The following LMF2 variants were observed in gnomAD, a reference collection of about 807,000 sequenced individuals.
The protein encoded by LMF2 is lipase maturation factor 2.
Under a neutral mutation model 81.5 loss-of-function variants are expected in LMF2, and 113 were observed. The ratio of observed to expected loss-of-function variants is 1.39; its 90% CI spans 1.19 to 1.62. LMF2 has a LOEUF of 1.62. Among genes scored for constraint, LMF2 ranks in the 40% most tolerant of loss-of-function variants. The pLI, the probability that LMF2 is intolerant of heterozygous loss-of-function variation, is 0.00. For synonymous variants in LMF2, 645 were observed against 424.5 expected, an observed-to-expected ratio of 1.52 and a Z score of -6.39; for missense variants, 1,235 against 929.1, an observed-to-expected ratio of 1.33 and a Z score of -4.28.
rs190529029 is a variant in LMF2 at position 50,503,332 on chromosome 22, G to A, written c.*59C>T. The stretch of plus-strand genomic sequence containing the variant: ...ACAGTGGCTGGGTCCTGTCCTGCCG[G>A]AGGCCAGAGCACTCCCGGCGACCTG... On this transcript the variant is annotated 3_prime_UTR_variant, in exon 14 of 14. Transcript: ENST00000474879. 1.3e-3 allele frequency: 2,119 copies of A among 1,571,712 alleles called. 30 individuals carry two copies. The African/African-American group carries it at 0.026, about 19-fold the overall frequency.
In LMF2 at chr22:50,503,468, C is replaced by A. The variant is rs772640647; in HGVS notation, c.2047G>T (p.Gly683Ter). ...GCGGTGGCCTGTTCGGAGGCAGCTC[C>A]GGAGTCTTTCTGGGAGGCTGGCCTG... ...KRRPASQKDSGAASEQATAAP... is the reference protein window; with the variant it reads ...KRRPASQKDS Residue 683 changes from glycine to a stop codon, truncating the protein, a stop_gained, in exon 14 of 14, where the codon GGA becomes TGA. Coordinates refer to ENST00000474879, the MANE Select transcript of LMF2 (RefSeq NM_033200.3). LOFTEE classifies it low-confidence loss of function (END_TRUNC). 1 of 1,596,644 alleles carries A rather than the reference C, an allele frequency of 6.3e-7. No individual in the cohort carries two copies. Among genetic ancestry groups the A allele is most frequent in the Non-Finnish European group, 8.5e-7 (1 of 1,174,700 alleles).
In LMF2 at chr22:50,505,424, G is replaced by A. The variant is rs138639555; in HGVS notation, c.1030C>T (p.Arg344Cys). ...TCACTGGTTCTGGAGTGGATGGTGC[G>A]CTGCTGCCAGTCAACCTCCAGGCCA... is the stretch of plus-strand genomic sequence containing the variant. ...YFGLEVDWQQ[R>C]TIHSRTTFTF... Residue 344 changes from arginine to cysteine, a missense_variant, in exon 7 of 14, where the codon CGC becomes TGC. Arg to Cys is a radical substitution (Grantham distance 180). Coordinates refer to ENST00000474879, the MANE Select transcript of LMF2 (RefSeq NM_033200.3). 1.8e-5 allele frequency: 29 copies of A among 1,612,938 alleles called. No homozygotes were observed. The highest frequency in any genetic ancestry group is 2.3e-5 in the Non-Finnish European group (27 of 1,180,024).
rs563323233 is a variant in LMF2 at position 50,504,555 on chromosome 22, G to A, written c.1606+4C>T. On this transcript the variant is annotated splice_donor_region_variant and intron_variant, in intron 11 of 13. Transcript: ENST00000474879. Reference sequence around the variant, plus strand: ...ACTCCACACCCCCCAAGCCCGCTCCGCACCTGGCTCCTTGCCCTGCAGCAG... The same window carrying A: ...ACTCCACACCCCCCAAGCCCGCTCCACACCTGGCTCCTTGCCCTGCAGCAG... 1.7e-5 allele frequency: 23 copies of A among 1,327,672 alleles called. No individual in the cohort carries two copies. The highest frequency in any genetic ancestry group is 8.8e-5 in the African/African-American group (5 of 56,956). The allele number at this position is 1,327,672 out of a possible 1,614,324, so 82.2% of individuals were successfully genotyped here.
rs1246579606 is a variant in LMF2, at chr22:50,503,575, C to T, written c.1940G>A (p.Gly647Glu). Residue 647 changes from glycine (G) to glutamate (E), a missense_variant, in exon 14 of 14, where the codon GGG (glycine) becomes GAG (glutamate). Transcript: ENST00000474879. ...ALLWGLLMAV[G>E]AVRFVQALLA... ...CAGGGCTTGCACAAATCTGACAGCC[C>T]CCACGGCCATGAGGAGCCCCCAGAG... is the stretch of plus-strand genomic sequence containing the variant. 1.3e-6 allele frequency: 2 copies of T among 1,541,628 alleles called. No individual in the cohort carries two copies. The highest frequency in any genetic ancestry group is 2.3e-5 in the East Asian group (1 of 43,602).
Position 50,503,483 on chromosome 22 carries a change from A to G in LMF2, c.2032T>C (p.Ser678Pro), listed in dbSNP as rs1410186203. ...PVSGEKRRPA[S>P]QKDSGAASEQ... is the part of the protein sequence containing the mutation. ...GAGGCAGCTCCGGAGTCTTTCTGGGAGGCTGGCCTGCGCTTCTCCCCGCTG... is the reference window on the plus strand; with the variant it reads ...GAGGCAGCTCCGGAGTCTTTCTGGGGGGCTGGCCTGCGCTTCTCCCCGCTG... The change falls in exon 14 of 14, where the codon TCC (serine) becomes CCC (proline). Residue 678 changes from serine (S) to proline (P), a missense_variant. Physicochemically the swap from Ser to Pro is moderately conservative, Grantham distance 74. Transcript: ENST00000474879. The G allele has an allele frequency of 2.5e-6, 4 of 1,592,620 alleles. No individual in the cohort carries two copies. The African/African-American group carries it at 5.4e-5, about 22-fold the overall frequency.
At position 50,503,690 on chromosome 22, in the gene LMF2, G is replaced by A; in HGVS notation, c.1825C>T (p.Pro609Ser). The A allele has an allele frequency of 2.6e-6, 4 of 1,537,828 alleles. No homozygotes were observed. Among genetic ancestry groups the A allele is most frequent in the Non-Finnish European group, 2.7e-6 (3 of 1,130,536 alleles). The change falls in exon 14 of 14, where the codon CCA (proline) becomes TCA (serine). Residue 609 changes from proline (P) to serine (S), a missense_variant. Coordinates refer to ENST00000474879, the MANE Select transcript of LMF2 (RefSeq NM_033200.3). ...CTGTTGGCGCTGCGGGTGCGAGGTG[G>A]GCTTTTCTCCTGTGGGAGGGAGGGA... is the stretch of plus-strand genomic sequence containing the variant. The part of the protein sequence containing the change: ...LRQFGLQEKS[P>S]PRTRSANSTL...
chr22:50,505,137 C>A lies in LMF2; in HGVS notation c.1174G>T (p.Gly392Cys), dbSNP rs754415890. 1.2e-6 allele frequency: 2 copies of A among 1,612,938 alleles called. No individual in the cohort carries two copies. Among genetic ancestry groups the A allele is most frequent in the Non-Finnish European group, 1.7e-6 (2 of 1,179,982 alleles). Residue 392 changes from glycine to cysteine, a missense_variant, in exon 9 of 14, where the codon GGC (glycine) becomes TGC (cysteine). Physicochemically the swap from Gly to Cys is radical, Grantham distance 159 (BLOSUM62 -3). Coordinates refer to ENST00000474879, the MANE Select transcript of LMF2 (RefSeq NM_033200.3). ...SALWRWTQVR[G>C]WLRKLSAVVQ... Reference sequence around the variant, plus strand: ...ACAGCACTGAGCTTCCGTAGCCAGCCCCGCACCTGGGTCCACCTGTGGGCA... The same window carrying A: ...ACAGCACTGAGCTTCCGTAGCCAGCACCGCACCTGGGTCCACCTGTGGGCA...
In LMF2 at chr22:50,505,826, C is replaced by A; in HGVS notation, c.775-11G>T. On this transcript the variant is annotated splice_polypyrimidine_tract_variant and intron_variant, in intron 5 of 13. Transcript: ENST00000474879. ...GACCTGCAGCAGCACCTGGGGGCGGCCCGCTCTCAGTGCTCCCGGAGACTG... is the reference window on the plus strand; with the variant it reads ...GACCTGCAGCAGCACCTGGGGGCGGACCGCTCTCAGTGCTCCCGGAGACTG... 6.2e-7 allele frequency: 1 copy of A among 1,612,322 alleles called. No homozygotes were observed. Among genetic ancestry groups the A allele is most frequent in the Non-Finnish European group, 8.5e-7 (1 of 1,179,628 alleles).
rs1471839782 is a variant in LMF2, at chr22:50,504,714, A to G, written c.1451T>C (p.Met484Thr). 7 of 1,609,952 alleles carry G rather than the reference A, an allele frequency of 4.3e-6. No homozygotes were observed. Among genetic ancestry groups the G allele is most frequent in the African/African-American group, 4.0e-5 (3 of 74,936 alleles). Residue 484 changes from methionine to threonine, a missense_variant, in exon 11 of 14, where the codon ATG (methionine) becomes ACG (threonine). Physicochemically the swap from Met to Thr is moderately conservative, Grantham distance 81 (BLOSUM62 -1). Transcript: ENST00000474879. ...CCGGCTCAGGTTCCCAGGCTTGTAC[A>G]TGAACTCGATCTCCTGCCAGGCAGG... is the stretch of plus-strand genomic sequence containing the variant. Reference protein sequence around the residue: ...DGHHWTEIEFMYKPGNLSRPP... With the variant: ...DGHHWTEIEFTYKPGNLSRPP...
In LMF2 at chr22:50,504,990, G is replaced by A. The variant is rs776038191; in HGVS notation, c.1255-6C>T. ...TCCACGTAGGAGTACGGCACCTGGA[G>A]ACAGGTGGGAGGTTCTCAGGGCTGC... is the stretch of plus-strand genomic sequence containing the variant. On this transcript the variant is annotated splice_region_variant and splice_polypyrimidine_tract_variant and intron_variant, in intron 9 of 13. Coordinates refer to ENST00000474879, the MANE Select transcript of LMF2 (RefSeq NM_033200.3). 1.9e-6 allele frequency: 3 copies of A among 1,610,000 alleles called. No homozygotes were observed. The highest frequency in any genetic ancestry group is 1.1e-5 in the South Asian group (1 of 91,044).
In LMF2 at chr22:50,506,895, C is replaced by T. The variant is rs1354785942; in HGVS notation, c.235G>A (p.Glu79Lys). ...RLGLDTAQGLELLSLLGALVA... is the reference protein window; with the variant it reads ...RLGLDTAQGLKLLSLLGALVA... ...AGTGCACCCAGCAGGCTCAGCAGCT[C>T]CAGGCCCTGGGCCGTGTCCAGCCCC... is the stretch of plus-strand genomic sequence containing the variant. Residue 79 changes from glutamate to lysine, a missense_variant, in exon 2 of 14, where the codon GAG (glutamate) becomes AAG (lysine). By Grantham distance (56) the Glu-to-Lys change is moderately conservative. Transcript: ENST00000474879. 1 of 1,584,642 alleles carries T rather than the reference C, an allele frequency of 6.3e-7. No homozygotes were observed. The highest frequency in any genetic ancestry group is 1.1e-5 in the South Asian group (1 of 88,040).
At position 50,505,019 on chromosome 22, in the gene LMF2, G is replaced by T. The variant is rs916888435; in HGVS notation, c.1255-35C>A. On this transcript the variant is annotated intron_variant, in intron 9 of 13. Transcript: ENST00000474879. ...GGTGGGAGGTTCTCAGGGCTGCCCT[G>T]CCCCCAGCCCATCCCCCAGCCCTGC... is the stretch of plus-strand genomic sequence containing the variant. The T allele has an allele frequency of 1.9e-6, 3 of 1,612,094 alleles. No homozygotes were observed. In the African/African-American group the frequency reaches 4.0e-5, roughly 22 times the overall value.
Position 50,505,288 on chromosome 22 carries a change from C to T in LMF2, c.1098G>A (p.Leu366=), listed in dbSNP as rs779082577. 5.0e-6 allele frequency: 8 copies of T among 1,613,300 alleles called. No individual in the cohort carries two copies. The South Asian group carries it at 7.7e-5, about 15-fold the overall frequency. Residue 366 remains leucine, a synonymous_variant, in exon 8 of 14, where the codon CTG becomes CTA. Transcript: ENST00000474879. ...QFSQWLKTLT[L]PTVWLGVASL... ...AGGCCACACCCAGCCACACAGTGGG[C>T]AGCGTCAGTGTCTTCAGCCACTGAG... is the stretch of plus-strand genomic sequence containing the variant.
At position 50,506,028 on chromosome 22, in the gene LMF2, C is replaced by T. The variant is rs543371227; in HGVS notation, c.774+7G>A. The T allele has an allele frequency of 3.7e-5, 58 of 1,578,054 alleles. No homozygotes were observed. The Middle Eastern group carries it at 6.7e-4, about 18-fold the overall frequency. ...GCCTCTCTCTGACAGCTGCGGCCCT[C>T]ACCCACCTGCGAGTAGAAAGCAGCC... On this transcript the variant is annotated splice_region_variant and intron_variant, in intron 5 of 13. Coordinates refer to ENST00000474879, the MANE Select transcript of LMF2 (RefSeq NM_033200.3).
At chr22:50,507,069 C>G in intron 1 of LMF2, 34 bp from the exon 2 acceptor site, 1 of 1,558,168 alleles carries the variant, frequency 6.4e-7, no homozygotes, top group Non-Finnish European at 8.6e-7. Flanking sequence ...AGGCCCTGGA[C>G]AGCCCTTGCA....
intron 1 of LMF2, chr22:50,507,250 G>A (rs1052776608): frequency 1.1e-5 from 8 of 730,388 alleles, no homozygotes; most frequent in Non-Finnish European, 1.7e-5. Context: ...ACCTGAGTCA[G>A]GGCCTCCCAC....
rs374805041 is a variant in LMF2 at position 50,506,845 on chromosome 22, C to T, written c.285G>A (p.Leu95=). The T allele has an allele frequency of 5.0e-6, 8 of 1,599,146 alleles. No individual in the cohort carries two copies. In the East Asian group the frequency reaches 1.6e-4, roughly 32 times the overall value. The change falls in exon 2 of 14, where the codon CTG becomes CTA. Residue 95 remains leucine (L), a synonymous_variant. Transcript: ENST00000474879. ...GALVALGALL[L]SPLRHPVIYL... is the part of the protein sequence containing the mutation. ...AGATGACAGGGTGGCGCAGTGGGCT[C>T]AGCAGCAGGGCTCCCAGGGCCACTA...
intron 1 of LMF2, 182 bp from the exon 2 acceptor site, chr22:50,507,217 C>G (rs1326118214): frequency 1.9e-6 from 2 of 1,032,642 alleles, no homozygotes; most frequent in African/African-American, 3.2e-5. Context: ...AACCCCGTCC[C>G]AGGGCTAGAG....
intron 3 of LMF2, 54 bp downstream of exon 3, chr22:50,506,584 C>A (rs967736089): frequency 1.9e-6 from 3 of 1,597,732 alleles, no homozygotes; most frequent in Non-Finnish European, 2.6e-6. Flanking sequence ...AGGGCAGAGC[C>A]CTCCCCCACC....
Sources: allele counts gnomAD v4.1 joint callset, GRCh38; gene constraint gnomAD v4.1.1; transcripts MANE v1.5; gene names NCBI Gene and HGNC (gene_info 2026-07-23, HGNC 2026-07-21).